The following PPP1R12B variants were observed in gnomAD, a reference collection of about 807,000 sequenced individuals.
PPP1R12B encodes the protein protein phosphatase 1 regulatory subunit 12B.
In PPP1R12B, 76 loss-of-function variants were observed where a neutral mutation model predicts 126.1. The ratio of observed to expected loss-of-function variants is 0.60; its 90% confidence interval spans 0.50 to 0.73. PPP1R12B has a LOEUF of 0.73. Ranked by LOEUF, PPP1R12B falls within the 30% of genes least tolerant of loss-of-function variation. The pLI, the probability that PPP1R12B is intolerant of heterozygous loss-of-function variation, is 0.00. For missense variants in PPP1R12B, 1,052 were observed against 1,205.1 expected (o/e 0.87, Z 1.88); for synonymous variants, 356 against 434.7 (o/e 0.82, Z 2.25).
chr1:202,553,235 C>A (rs1686503419), intron 18 of PPP1R12B, among the ~76,000 whole-genome samples: 1 of 152,196 alleles, frequency 6.6e-6, no homozygotes, highest in South Asian at 2.1e-4. Flanking sequence ...GGTTTCTGAG[C>A]AGCTTTTAGT....
intron 1 of PPP1R12B, among the ~76,000 whole-genome samples, chr1:202,356,493 A>G (rs1392100622): frequency 2.0e-5 from 3 of 152,178 alleles, no homozygotes; most frequent in Non-Finnish European, 4.4e-5. Flanking sequence ...ACATGTAAAT[A>G]TGTTACCTTA....
chr1:202,443,498 G>A (rs1261293617), intron 12 of PPP1R12B, among the ~76,000 whole-genome samples: 1 of 152,238 alleles, frequency 6.6e-6, no homozygotes, highest in Non-Finnish European at 1.5e-5. Context: ...ATGGGAAATA[G>A]CTAGAAAACA....
intron 1 of PPP1R12B, among the ~76,000 whole-genome samples, chr1:202,362,228 G>C (rs1658348441): frequency 6.6e-6 from 1 of 152,000 alleles, no homozygotes; most frequent in African/African-American, 2.4e-5. Context: ...TCACTGTTTT[G>C]TAATTATTCC....
intron 23 of PPP1R12B, chr1:202,574,978 CT>C: frequency 6.3e-7 from 1 of 1,579,170 alleles, no homozygotes; most frequent in Non-Finnish European, 8.7e-7. Context: ...TCTGTCTGTC[CT>C]TTTCATGTCT....
intron 23 of PPP1R12B, among the ~76,000 whole-genome samples, 168 bp downstream of exon 23, chr1:202,569,365 T>C (rs1055237496): frequency 4.6e-5 from 7 of 152,142 alleles, no homozygotes; most frequent in African/African-American, 1.2e-4. Context: ...TTTCCTAGGC[T>C]CTCTCAGCTC....
At position 202,495,220 on chromosome 1, in the gene PPP1R12B, T is replaced by G. The variant is rs111910228; in HGVS notation, c.2146-73T>G. The stretch of plus-strand genomic sequence containing the variant: ...GCCCCTTAATATAGAAAAAAACATT[T>G]TGTATAAACCTGCTGTCCTTACTCT... On this transcript the variant is annotated intron_variant, in intron 15 of 23. Coordinates refer to ENST00000608999, the MANE Select transcript of PPP1R12B (RefSeq NM_002481.4). The G allele has an allele frequency of 1.5e-3, 2,094 of 1,375,670 alleles. 29 individuals carry two copies. In the African/African-American group the frequency reaches 0.025, roughly 16 times the overall value. The allele number at this position is 1,375,670 out of a possible 1,614,324, so 85.2% of individuals were successfully genotyped here.
At chr1:202,549,827 A>C (rs1173264904) in intron 18 of PPP1R12B, among the ~76,000 whole-genome samples, 1 of 152,114 alleles carries the variant, frequency 6.6e-6, no homozygotes, top group East Asian at 1.9e-4. Context: ...TGTCGATTTT[A>C]TTCCTGTAAG....
intron 18 of PPP1R12B, among the ~76,000 whole-genome samples, chr1:202,529,358 C>A (rs1683694999): frequency 6.7e-6 from 1 of 149,206 alleles, no homozygotes; most frequent in African/African-American, 2.5e-5. Flanking sequence ...TTTTAGTAAA[C>A]CCAGATGAAG....
chr1:202,379,502 A>T (rs1199674236), intron 1 of PPP1R12B, among the ~76,000 whole-genome samples: 2 of 152,232 alleles, frequency 1.3e-5, no homozygotes, highest in Non-Finnish European at 2.9e-5. Flanking sequence ...TGTCAGTTCT[A>T]TCTGTGTAAT....
intron 18 of PPP1R12B, among the ~76,000 whole-genome samples, chr1:202,504,452 T>C (rs949145985): frequency 2.6e-5 from 4 of 152,112 alleles, no homozygotes; most frequent in Non-Finnish European, 4.4e-5. Context: ...CACCTAAAAG[T>C]TGTTACTGTA....
chr1:202,378,529 G>GA (rs1347401218), intron 1 of PPP1R12B, among the ~76,000 whole-genome samples: 2 of 151,950 alleles, frequency 1.3e-5, no homozygotes, highest in African/African-American at 4.8e-5. Context: ...ACCTAGGTTG[G>GA]AGTGCAATGG....
At chr1:202,528,648 C>T (rs1052821725) in intron 18 of PPP1R12B, among the ~76,000 whole-genome samples, 13 of 152,116 alleles carry the variant, frequency 8.5e-5, no homozygotes, top group Non-Finnish European at 1.3e-4. Context: ...TAACATGTAC[C>T]CTGGGAATTG....
At chr1:202,510,904 TATATA>T (rs1384800000) in intron 18 of PPP1R12B, among the ~76,000 whole-genome samples, 2 of 146,648 alleles carry the variant, frequency 1.4e-5, no homozygotes, top group East Asian at 1.9e-4. Context: ...ACTAATATAA[TATATA>T]ATATAATAAT....
At chr1:202,359,221 T>G (rs572161877) in intron 1 of PPP1R12B, among the ~76,000 whole-genome samples, 2 of 152,116 alleles carry the variant, frequency 1.3e-5, no homozygotes, top group African/African-American at 4.8e-5. Context: ...CTTGGCCCAC[T>G]GCAACCTCCA....
chr1:202,474,203 T>A (rs565299611), intron 13 of PPP1R12B, among the ~76,000 whole-genome samples: 2 of 152,280 alleles, frequency 1.3e-5, no homozygotes, highest in African/African-American at 4.8e-5. Flanking sequence ...ACTGTAATAC[T>A]GCCTCCAGGA....
intron 13 of PPP1R12B, among the ~76,000 whole-genome samples, chr1:202,478,442 A>G (rs1572204145): frequency 6.6e-6 from 1 of 152,238 alleles, no homozygotes; most frequent in East Asian, 1.9e-4. Flanking sequence ...TCTGAGATAA[A>G]GAAAAATGAA....
intron 1 of PPP1R12B, among the ~76,000 whole-genome samples, chr1:202,364,058 C>A (rs1432223657): frequency 6.6e-6 from 1 of 152,074 alleles, no homozygotes; most frequent in Non-Finnish European, 1.5e-5. Flanking sequence ...CCATGCCTGG[C>A]CCATTTTATT....
At chr1:202,580,443 C>T in intron 23 of PPP1R12B, 31 bp from the exon 24 acceptor site, 1 of 1,582,566 alleles carries the variant, frequency 6.3e-7, no homozygotes, top group East Asian at 2.2e-5. Context: ...CTGCCAGGCT[C>T]TAACTCACCT....
chr1:202,354,632 C>G (rs1656687100), intron 1 of PPP1R12B, among the ~76,000 whole-genome samples: 1 of 151,320 alleles, frequency 6.6e-6, no homozygotes, highest in Non-Finnish European at 1.5e-5. Context: ...AATAATATGC[C>G]ATTAATTACA....
Sources: allele counts gnomAD v4.1 joint callset (sites outside exome capture counted in the v4.1 genomes callset), GRCh38; gene constraint gnomAD v4.1.1; transcripts MANE v1.5; gene names NCBI Gene and HGNC (gene_info 2026-07-23, HGNC 2026-07-21).